Variants in CDH4 observed in about 807,000 individuals in gnomAD.
The protein encoded by CDH4 is cadherin 4, also known as cadherin-4.
A neutral mutation model predicts 86.0 loss-of-function variants in CDH4; 33 were observed. The observed-to-expected ratio is 0.38, with a 90% CI of 0.29 to 0.51. CDH4 has a LOEUF of 0.51. CDH4 is among the 20% of genes least tolerant of loss of function. CDH4 has a pLI of 0.86. For missense variants in CDH4, 1,114 were observed against 1,307.4 expected (o/e 0.85, Z 2.28); for synonymous variants, 555 against 549.4 (o/e 1.01, Z -0.14).
chr20:61,673,048 G>T (rs1476189594), intron 2 of CDH4, among the ~76,000 whole-genome samples: 1 of 152,156 alleles, frequency 6.6e-6, no homozygotes, highest in Non-Finnish European at 1.5e-5. Flanking sequence ...ATTGGAAGAT[G>T]CTGTGCTTGA....
At chr20:61,521,716 G>C (rs531267076) in intron 2 of CDH4, among the ~76,000 whole-genome samples, 20 of 152,278 alleles carry the variant, frequency 1.3e-4, no homozygotes, top group African/African-American at 4.6e-4. Context: ...ATAATAAGAG[G>C]GGGGTGGGTG....
intron 2 of CDH4, among the ~76,000 whole-genome samples, chr20:61,537,457 G>C (rs1306923261): frequency 2.0e-5 from 3 of 152,144 alleles, no homozygotes; most frequent in Non-Finnish European, 4.4e-5. Context: ...GCCAGCTCGG[G>C]AGGGCAGGGA....
chr20:61,761,885 A>C (rs1293170127), intron 3 of CDH4, among the ~76,000 whole-genome samples: 2 of 152,242 alleles, frequency 1.3e-5, no homozygotes, highest in African/African-American at 4.8e-5. Context: ...GAGCATCCTC[A>C]TAAGCCATGC....
At chr20:61,852,615 G>A (rs542466097) in intron 5 of CDH4, 139 bp from the exon 6 acceptor site, 14 of 699,560 alleles carry the variant, frequency 2.0e-5, no homozygotes, top group East Asian at 6.1e-5. Context: ...ATTCCATGAC[G>A]TGTCCAAAGC....
At chr20:61,776,787 G>A (rs534764600) in intron 4 of CDH4, among the ~76,000 whole-genome samples, 3 of 152,342 alleles carry the variant, frequency 2.0e-5, no homozygotes, top group East Asian at 3.9e-4. Context: ...GGACTGGCGA[G>A]GCTTACAAGT....
intron 2 of CDH4, among the ~76,000 whole-genome samples, chr20:61,383,438 TGAATATATATTCATATATATGAAG>T (rs2084922975): frequency 1.4e-5 from 1 of 69,416 alleles, no homozygotes; most frequent in South Asian, 4.1e-4. Context: ...ATATCATATA[TGAATATATATTCATATATATGAAG>T]ATATATATGA....
chr20:61,619,858 G>A (rs554956413), intron 2 of CDH4, among the ~76,000 whole-genome samples: 8 of 152,232 alleles, frequency 5.3e-5, no homozygotes, highest in Admixed American at 2.0e-4. Context: ...GGAAGTTGCC[G>A]TAGGGCCTCT....
intron 4 of CDH4, among the ~76,000 whole-genome samples, chr20:61,776,221 G>T (rs2088841862): frequency 6.6e-6 from 1 of 152,224 alleles, no homozygotes; most frequent in Non-Finnish European, 1.5e-5. Context: ...CCAATTTGCA[G>T]CAGGGAAATA....
At chr20:61,822,488 A>G (rs528548590) in intron 4 of CDH4, among the ~76,000 whole-genome samples, 93 of 152,276 alleles carry the variant, frequency 6.1e-4, no homozygotes, top group African/African-American at 2.2e-3. Flanking sequence ...AGCCGCAGCG[A>G]AGGTGTGGTT....
chr20:61,747,683 A>G (rs1053860165), intron 3 of CDH4, among the ~76,000 whole-genome samples: 15 of 152,234 alleles, frequency 9.9e-5, no homozygotes, highest in African/African-American at 2.4e-5. Flanking sequence ...CTGAAGAATT[A>G]GTGAAGCAAA....
At chr20:61,752,559 G>T (rs13042040) in intron 3 of CDH4, among the ~76,000 whole-genome samples, 3,189 of 152,260 alleles carry the variant, frequency 0.021, 40 homozygotes, top group Non-Finnish European at 0.029. Flanking sequence ...GTAATACCAA[G>T]AACTCTGTAC....
chr20:61,611,968 C>G, intron 2 of CDH4, among the ~76,000 whole-genome samples: 1 of 152,100 alleles, frequency 6.6e-6, no homozygotes. Flanking sequence ...TGTCACCATC[C>G]TGGTGACATC....
intron 2 of CDH4, among the ~76,000 whole-genome samples, chr20:61,292,825 A>G (rs2084330519): frequency 6.6e-6 from 1 of 152,230 alleles, no homozygotes; most frequent in South Asian, 2.1e-4. Context: ...TGTTCAATGA[A>G]GGAGTTGAGT....
intron 4 of CDH4, among the ~76,000 whole-genome samples, chr20:61,784,772 G>A (rs901788391): frequency 2.1e-5 from 3 of 141,184 alleles, no homozygotes; most frequent in Admixed American, 1.4e-4. Flanking sequence ...CCAGTTCCTC[G>A]GAACAGTTCT....
intron 2 of CDH4, among the ~76,000 whole-genome samples, chr20:61,320,810 G>C (rs948328394): frequency 6.6e-6 from 1 of 152,008 alleles, no homozygotes; most frequent in African/African-American, 2.4e-5. Context: ...CGTGCGCAGA[G>C]GTCCTGTGCT....
intron 2 of CDH4, among the ~76,000 whole-genome samples, chr20:61,383,922 AC>A (rs1372726310): frequency 6.6e-6 from 1 of 151,450 alleles, no homozygotes; most frequent in Non-Finnish European, 1.5e-5. Flanking sequence ...TCACACAATC[AC>A]GAGGTCCCAC....
At position 61,663,114 on chromosome 20, in the gene CDH4, A is replaced by G. The variant is rs936321895; in HGVS notation, c.170-80449A>G. ...AGGCAGTGTCGACATGAAGCAAACC[A>G]TTGTTAAAATATTGACTGGAGGAGA... On this transcript the variant is annotated intron_variant, in intron 2 of 15. Transcript: ENST00000614565. The surrounding 1 kb of genome is among the most constrained non-coding windows in gnomAD (Gnocchi z 5.0). Among the ~76,000 whole-genome samples the G allele has an allele frequency of 1.3e-5, 2 of 152,196 alleles. No homozygotes were observed. The highest frequency in any genetic ancestry group is 3.9e-4 in the East Asian group (2 of 5,180).
Position 61,272,883 on chromosome 20 carries a change from AGAGTACCGTGTGCAGTTTGGGG to A in CDH4, c.169+17996_169+18017del, listed in dbSNP as rs1568775876. Among the ~76,000 whole-genome samples the A allele has an allele frequency of 3.3e-3, 233 of 70,830 alleles. 4 individuals are homozygous for A. Among genetic ancestry groups the A allele is most frequent in the African/African-American group, 0.012 (201 of 16,800 alleles). The allele number at this position is 70,830 out of a possible 152,430, so 46.5% of individuals were successfully genotyped here. ...GGGAGAGTACCATGCGCAGTTTGGG[AGAGTACCGTGTGCAGTTTGGGG>A]GAGTACCGTGTGCAGTTTGGGGGAG... is the stretch of plus-strand genomic sequence containing the variant. On this transcript the variant is annotated intron_variant, in intron 2 of 15. Coordinates refer to ENST00000614565, the MANE Select transcript of CDH4 (RefSeq NM_001794.5).
intron 2 of CDH4, among the ~76,000 whole-genome samples, chr20:61,293,235 G>A (rs1333824723): frequency 6.6e-6 from 1 of 152,196 alleles, no homozygotes; most frequent in Non-Finnish European, 1.5e-5. Flanking sequence ...CATGCACGTA[G>A]TGGGACTTGG....
Sources: gnomAD v4.1 joint callset for allele counts (sites outside exome capture counted in the v4.1 genomes callset) on GRCh38, gnomAD v4.1.1 for gene constraint, Gnocchi (gnomAD v3.1) non-coding constraint, MANE v1.5 for transcripts, NCBI Gene and HGNC (gene_info 2026-07-23, HGNC 2026-07-21) for gene names.